Variants in STK32C observed in about 807,000 individuals in gnomAD.
The protein encoded by STK32C is serine/threonine kinase 32C.
A neutral mutation model predicts 56.5 loss-of-function variants in STK32C; 31 were observed. The ratio of observed to expected loss-of-function variants is 0.55; its 90% CI spans 0.41 to 0.74. The LOEUF is 0.74. STK32C is among the 30% of genes least tolerant of loss of function. STK32C has a pLI of 0.00. For missense variants in STK32C, 544 were observed against 676.9 expected, an observed-to-expected ratio of 0.80 and a Z score of 2.18; for synonymous variants, 309 against 289.4, an observed-to-expected ratio of 1.07 and a Z score of -0.69.
intron 6 of STK32C, 82 bp downstream of exon 6, chr10:132,225,445 G>A: frequency 6.3e-7 from 1 of 1,595,376 alleles, no homozygotes; most frequent in Non-Finnish European, 8.6e-7. Context: ...TGCCTCCAGG[G>A]TGGGACAGAG....
chr10:132,236,340 C>G (rs2063293200), intron 2 of STK32C, among the ~76,000 whole-genome samples: 1 of 152,254 alleles, frequency 6.6e-6, no homozygotes, highest in Non-Finnish European at 1.5e-5. Context: ...GATGCCACAA[C>G]CTGTCATGAG....
intron 1 of STK32C, among the ~76,000 whole-genome samples, chr10:132,273,498 G>A (rs139160839): frequency 1.3e-5 from 2 of 151,864 alleles, no homozygotes; most frequent in Non-Finnish European, 2.9e-5. Flanking sequence ...CGAATGCACG[G>A]TTAATGATAA....
At chr10:132,266,414 C>A (rs1333808007) in intron 1 of STK32C, among the ~76,000 whole-genome samples, 2 of 152,110 alleles carry the variant, frequency 1.3e-5, no homozygotes, top group African/African-American at 4.8e-5. Context: ...ACAGGTGTGC[C>A]CATCTGTCAA....
At chr10:132,314,839 A>G (rs2066283980) in intron 1 of STK32C, among the ~76,000 whole-genome samples, 1 of 152,194 alleles carries the variant, frequency 6.6e-6, no homozygotes, top group African/African-American at 2.4e-5. Flanking sequence ...ATGCAGCCAT[A>G]AAAAAGATTG....
At chr10:132,331,476 C>G in exon 1 of STK32C, 1 of 1,612,826 alleles carries the variant, frequency 6.2e-7, no homozygotes, top group Non-Finnish European at 8.5e-7. Context: ...CCAGAGGCAG[C>G]CTTACTTCTC....
intron 1 of STK32C, among the ~76,000 whole-genome samples, chr10:132,315,917 A>G (rs966217336): frequency 4.6e-5 from 7 of 152,252 alleles, no homozygotes; most frequent in Admixed American, 4.6e-4. Flanking sequence ...AGAGAGTCCA[A>G]CATTTGGAAA....
chr10:132,215,660 T>C (rs1194931131), intron 10 of STK32C, among the ~76,000 whole-genome samples: 1 of 152,184 alleles, frequency 6.6e-6, no homozygotes, highest in East Asian at 1.9e-4. Context: ...TATGTCTTTA[T>C]TAGCAGCGTG....
chr10:132,210,247 G>A (rs1046986623), intron 10 of STK32C, among the ~76,000 whole-genome samples: 1 of 152,142 alleles, frequency 6.6e-6, no homozygotes, highest in African/African-American at 2.4e-5. Context: ...CGAACACCTG[G>A]ACACTCTTGC....
At chr10:132,246,389 C>A (rs576821007) in intron 1 of STK32C, among the ~76,000 whole-genome samples, 2 of 152,352 alleles carry the variant, frequency 1.3e-5, no homozygotes, top group East Asian at 1.9e-4. Flanking sequence ...TTCCTGGTTC[C>A]CCTCCACCCT....
intron 1 of STK32C, among the ~76,000 whole-genome samples, chr10:132,280,609 G>T: frequency 7.6e-6 from 1 of 132,130 alleles, no homozygotes; most frequent in Non-Finnish European, 1.6e-5. Flanking sequence ...ACTCCACTCT[G>T]TGACCACGCC....
chr10:132,283,020 C>A (rs1188471070), intron 1 of STK32C, among the ~76,000 whole-genome samples: 1 of 152,210 alleles, frequency 6.6e-6, no homozygotes, highest in Non-Finnish European at 1.5e-5. Context: ...GTCCTGACCA[C>A]AAAAGGTCCA....
chr10:132,220,891 A>T (rs1168133851), intron 10 of STK32C, among the ~76,000 whole-genome samples: 6 of 152,180 alleles, frequency 3.9e-5, no homozygotes, highest in African/African-American at 1.4e-4. Context: ...AGAAACTGAG[A>T]TCATCACATA....
intron 2 of STK32C, among the ~76,000 whole-genome samples, chr10:132,241,877 T>C (rs1199153262): frequency 4.6e-5 from 7 of 152,014 alleles, no homozygotes; most frequent in Non-Finnish European, 7.4e-5. Flanking sequence ...GAGGCTGAGG[T>C]GGGCAGATCT....
intron 1 of STK32C, among the ~76,000 whole-genome samples, chr10:132,316,091 G>A (rs1236491919): frequency 6.6e-6 from 1 of 152,002 alleles, no homozygotes; most frequent in East Asian, 1.9e-4. Context: ...TCTAAGTTCT[G>A]TCTTAAGAAG....
chr10:132,268,162 T>TGCCTGC (rs2064650533), intron 1 of STK32C, among the ~76,000 whole-genome samples: 1 of 148,644 alleles, frequency 6.7e-6, no homozygotes, highest in African/African-American at 2.5e-5. Context: ...TGTGTGTCGG[T>TGCCTGC]GTGTGTGCAT....
At chr10:132,214,727 AG>A (rs1224494780) in intron 10 of STK32C, among the ~76,000 whole-genome samples, 3 of 152,276 alleles carry the variant, frequency 2.0e-5, no homozygotes, top group Non-Finnish European at 2.9e-5. Context: ...CAATGTCATC[AG>A]GAACAGGAGG....
At chr10:132,240,088 C>A (rs543819910) in intron 2 of STK32C, among the ~76,000 whole-genome samples, 1 of 151,876 alleles carries the variant, frequency 6.6e-6, no homozygotes, top group Non-Finnish European at 1.5e-5. Flanking sequence ...CCAAAGAAGA[C>A]CCCCAGGGAA....
At chr10:132,257,362 G>A (rs567282504) in intron 1 of STK32C, among the ~76,000 whole-genome samples, 3 of 136,956 alleles carry the variant, frequency 2.2e-5, no homozygotes, top group East Asian at 2.0e-4. Context: ...AGAGGGAGAC[G>A]GAGGGGCTCC....
intron 1 of STK32C, among the ~76,000 whole-genome samples, chr10:132,285,108 G>A (rs10870285): frequency 0.35 from 39,139 of 112,334 alleles, 3,039 homozygotes; most frequent in Admixed American, 0.45. Context: ...ACATTCCCAC[G>A]TCTGCCCAAA....
Sources: allele counts gnomAD v4.1 joint callset (sites outside exome capture counted in the v4.1 genomes callset), GRCh38; gene constraint gnomAD v4.1.1; transcripts MANE v1.5; gene names NCBI Gene and HGNC (gene_info 2026-07-23, HGNC 2026-07-21).